RGS7BP: variants seen among roughly 807,000 people sequenced by gnomAD.
RGS7BP encodes regulator of G protein signaling 7 binding protein, also known as regulator of G protein signaling 7-binding protein.
In RGS7BP, 9 loss-of-function variants were observed where a neutral mutation model predicts 31.3. That is an observed-to-expected ratio of 0.29 (90% confidence interval 0.17 to 0.50). The LOEUF (loss-of-function observed/expected upper bound fraction) is 0.50, where lower values mean the gene tolerates loss of function less well. Ranked by LOEUF, RGS7BP falls within the 20% of genes least tolerant of loss-of-function variation. The pLI is 0.98. For missense variants in RGS7BP, 274 were observed against 322.0 expected (o/e 0.85, Z 1.14); for synonymous variants, 115 against 120.1 (o/e 0.96, Z 0.28).
chr5:64,606,663 T>G (rs1048252039), intron 5 of RGS7BP, among the ~76,000 whole-genome samples: 1 of 152,098 alleles, frequency 6.6e-6, no homozygotes, highest in African/African-American at 2.4e-5. Flanking sequence ...AATTCATGGT[T>G]AAAGAAGTAA....
rs1379765281 is a variant in RGS7BP, at chr5:64,609,213, GAGA to G, written c.738_740del (p.Arg247del). ...CCTACCCCCTGGTGAGAAGACGGAA[GAGA>G]AGGTTCTTTGGGCTGTGTTGTCTCA... is the stretch of plus-strand genomic sequence containing the variant. On this transcript the variant is annotated inframe_deletion, in exon 6 of 6. Coordinates refer to ENST00000334025, the MANE Select transcript of RGS7BP (RefSeq NM_001029875.3). 1 of 1,611,566 alleles carries G rather than the reference GAGA, an allele frequency of 6.2e-7. No individual in the cohort carries two copies. Among genetic ancestry groups the G allele is most frequent in the Non-Finnish European group, 8.5e-7 (1 of 1,178,114 alleles).
intron 2 of RGS7BP, among the ~76,000 whole-genome samples, chr5:64,561,726 C>A (rs1002817869): frequency 1.3e-5 from 2 of 152,102 alleles, no homozygotes; most frequent in Non-Finnish European, 2.9e-5. Flanking sequence ...GCTCACCAAG[C>A]TTTTTTCCCT....
chr5:64,577,490 A>T (rs908126976), intron 3 of RGS7BP, among the ~76,000 whole-genome samples: 6 of 152,196 alleles, frequency 3.9e-5, no homozygotes, highest in Non-Finnish European at 7.4e-5. Context: ...CACACAGGTG[A>T]ACTAAAAACA....
intron 2 of RGS7BP, among the ~76,000 whole-genome samples, chr5:64,572,315 T>C (rs1742318498): frequency 6.6e-6 from 1 of 152,176 alleles, no homozygotes; most frequent in Non-Finnish European, 1.5e-5. Flanking sequence ...GCTCTTAATG[T>C]TTCCCAAAAA....
In RGS7BP at chr5:64,509,964, G is replaced by A. The variant is rs184863203; in HGVS notation, c.332+2087G>A. Among the ~76,000 whole-genome samples the A allele has an allele frequency of 2.4e-3, 364 of 152,204 alleles. 3 individuals are homozygous for A. Among genetic ancestry groups the A allele is most frequent in the African/African-American group, 8.3e-3 (344 of 41,538 alleles). On this transcript the variant is annotated intron_variant, in intron 2 of 5. Coordinates refer to ENST00000334025, the MANE Select transcript of RGS7BP (RefSeq NM_001029875.3). ...ATCCCTTTAGTTCCTCACCATCTGG[G>A]CTCCGTTAATGAAGGATGTGATTCC...
intron 2 of RGS7BP, among the ~76,000 whole-genome samples, chr5:64,572,778 G>A (rs995906849): frequency 1.3e-5 from 2 of 150,850 alleles, no homozygotes; most frequent in Non-Finnish European, 3.0e-5. Context: ...TTTGAATTAG[G>A]CATTTTAATC....
At chr5:64,521,589 A>T (rs1401598505) in intron 2 of RGS7BP, among the ~76,000 whole-genome samples, 1 of 152,138 alleles carries the variant, frequency 6.6e-6, no homozygotes, top group East Asian at 1.9e-4. Context: ...CAGTAAACAG[A>T]TATTTTCTGA....
chr5:64,542,033 C>G (rs919587744), intron 2 of RGS7BP, among the ~76,000 whole-genome samples: 1 of 152,022 alleles, frequency 6.6e-6, no homozygotes, highest in Non-Finnish European at 1.5e-5. Flanking sequence ...TAGATATTAA[C>G]GAATTTTCAC....
rs1743455703 is a variant in RGS7BP at position 64,609,659 on chromosome 5, GA to G, written c.*409del. The G allele has an allele frequency of 6.3e-6, 1 of 158,714 alleles. No homozygotes were observed. Among genetic ancestry groups the G allele is most frequent in the South Asian group, 1.8e-4 (1 of 5,450 alleles). The allele number at this position is 158,714 out of a possible 1,614,324, so 9.8% of individuals were successfully genotyped here. A position where few individuals can be genotyped will look rare whatever the true frequency, so the allele number is the denominator to read the frequency against. On this transcript the variant is annotated 3_prime_UTR_variant, in exon 6 of 6. Transcript: ENST00000334025. ...ATGTTAAAATTTATCGTATATGAAA[GA>G]AGTCTTTAAACATAGAAATCTATTT...
intron 4 of RGS7BP, 69 bp from the exon 5 acceptor site, chr5:64,598,296 A>G: frequency 2.2e-6 from 2 of 897,732 alleles, no homozygotes; most frequent in South Asian, 2.6e-5. Flanking sequence ...TGTCTCATAT[A>G]ACAGATTGTT....
intron 3 of RGS7BP, 115 bp from the exon 4 acceptor site, chr5:64,594,595 T>C: frequency 1.1e-6 from 1 of 889,736 alleles, no homozygotes; most frequent in Non-Finnish European, 1.8e-6. Flanking sequence ...CTATTAGGGT[T>C]AATGGAACAT....
intron 2 of RGS7BP, among the ~76,000 whole-genome samples, chr5:64,566,321 G>A (rs1742167667): frequency 6.6e-6 from 1 of 152,068 alleles, no homozygotes; most frequent in Admixed American, 6.6e-5. Flanking sequence ...ATGCAGCATA[G>A]AGTAATTTAT....
chr5:64,515,274 T>A (rs2111884692), intron 2 of RGS7BP, among the ~76,000 whole-genome samples: 1 of 152,318 alleles, frequency 6.6e-6, no homozygotes. Flanking sequence ...TTATTTTCTG[T>A]TTTTAACTCT....
rs1018885225 is a variant in RGS7BP at position 64,506,484 on chromosome 5, C to T, written c.-141C>T. 35 of 593,646 alleles carry T rather than the reference C, an allele frequency of 5.9e-5. No homozygotes were observed. Among genetic ancestry groups the T allele is most frequent in the Admixed American group, 3.4e-5 (1 of 29,450 alleles). 36.8% of individuals were successfully genotyped at this position (593,646 alleles called of 1,614,324 possible). On this transcript the variant is annotated 5_prime_UTR_variant, in exon 1 of 6. Transcript: ENST00000334025. The surrounding 1 kb of genome is among the most constrained non-coding windows in gnomAD (Gnocchi z 4.6). ...TCCTTCAAGCTGAAGGTTACCGACCCGCGCAGCCAGCCCCAGCACTGTGAG... is the reference window on the plus strand; with the variant it reads ...TCCTTCAAGCTGAAGGTTACCGACCTGCGCAGCCAGCCCCAGCACTGTGAG...
At chr5:64,547,919 G>GA (rs943942204) in intron 2 of RGS7BP, among the ~76,000 whole-genome samples, 5 of 151,998 alleles carry the variant, frequency 3.3e-5, no homozygotes, top group African/African-American at 4.8e-5. Flanking sequence ...GCCTTTTGGG[G>GA]AAAAATAATA....
At chr5:64,516,318 A>G (rs560264352) in intron 2 of RGS7BP, among the ~76,000 whole-genome samples, 4 of 152,122 alleles carry the variant, frequency 2.6e-5, no homozygotes, top group African/African-American at 9.7e-5. Flanking sequence ...CCCCTATCCC[A>G]TAAGGTACCA....
chr5:64,571,901 A>G (rs1052161543), intron 2 of RGS7BP, among the ~76,000 whole-genome samples: 11 of 152,150 alleles, frequency 7.2e-5, no homozygotes, highest in Non-Finnish European at 1.5e-4. Context: ...GGTTTTTTCT[A>G]TCAATACTAA....
intron 2 of RGS7BP, among the ~76,000 whole-genome samples, chr5:64,561,537 G>A (rs1367469552): frequency 6.6e-6 from 1 of 152,112 alleles, no homozygotes; most frequent in Non-Finnish European, 1.5e-5. Context: ...GTAAACTGAG[G>A]ATAGGGATAG....
At chr5:64,520,316 C>G (rs1749075455) in intron 2 of RGS7BP, among the ~76,000 whole-genome samples, 1 of 152,146 alleles carries the variant, frequency 6.6e-6, no homozygotes, top group Non-Finnish European at 1.5e-5. Context: ...AGTCTCCTTT[C>G]CCCTGGACAC....
Sources: allele counts gnomAD v4.1 joint callset (sites outside exome capture counted in the v4.1 genomes callset), GRCh38; gene constraint gnomAD v4.1.1; non-coding constraint Gnocchi (gnomAD v3.1); transcripts MANE v1.5; gene names NCBI Gene and HGNC (gene_info 2026-07-23, HGNC 2026-07-21).